Variants in EFCAB11 observed in about 807,000 individuals in gnomAD.
The protein encoded by EFCAB11 is EF-hand calcium binding domain 11, also known as EF-hand calcium-binding domain-containing protein 11.
In EFCAB11, 14 loss-of-function variants were observed where a neutral mutation model predicts 23.0. The observed-to-expected ratio is 0.61, with a 90% CI of 0.40 to 0.95. The LOEUF is 0.95. Among genes scored for constraint, EFCAB11 ranks in the 40% least tolerant of loss-of-function variants. The pLI is 0.00. For missense variants in EFCAB11, 198 were observed against 195.8 expected, an observed-to-expected ratio of 1.01 and a Z score of -0.07; for synonymous variants, 65 against 66.6, an observed-to-expected ratio of 0.98 and a Z score of 0.11.
chr14:89,807,625 G>A (rs1054909668), intron 5 of EFCAB11, among the ~76,000 whole-genome samples: 3 of 152,096 alleles, frequency 2.0e-5, no homozygotes, highest in East Asian at 1.9e-4. Flanking sequence ...TTGTTTAGAC[G>A]GAAGCTTGCC....
intron 5 of EFCAB11, among the ~76,000 whole-genome samples, chr14:89,900,360 T>C (rs1353866892): frequency 6.6e-6 from 1 of 152,158 alleles, no homozygotes; most frequent in Admixed American, 6.5e-5. Flanking sequence ...CAGGCAGGGC[T>C]ACCCAGGGGG....
chr14:89,902,977 A>C (rs1332358517), intron 5 of EFCAB11, among the ~76,000 whole-genome samples: 2 of 152,206 alleles, frequency 1.3e-5, no homozygotes, highest in African/African-American at 4.8e-5. Context: ...CATATTACTG[A>C]ATAAAATGCT....
At chr14:89,910,605 A>ACATG (rs1030002827) in intron 5 of EFCAB11, among the ~76,000 whole-genome samples, 1 of 80,916 alleles carries the variant, frequency 1.2e-5, no homozygotes, top group Non-Finnish European at 2.0e-5. Flanking sequence ...TCAAATACAT[A>ACATG]CATACATACA....
chr14:89,847,671 G>A (rs1596399089), intron 5 of EFCAB11, among the ~76,000 whole-genome samples: 2 of 150,866 alleles, frequency 1.3e-5, no homozygotes. Context: ...CCTGGGAGGT[G>A]GAGGTTGCAG....
chr14:89,827,793 C>T (rs756549065), intron 5 of EFCAB11, among the ~76,000 whole-genome samples: 2 of 151,922 alleles, frequency 1.3e-5, no homozygotes, highest in Non-Finnish European at 2.9e-5. Context: ...GCCACCATGC[C>T]CCGCTAATTT....
chr14:89,941,539 T>A (rs933072436), intron 3 of EFCAB11, among the ~76,000 whole-genome samples: 4 of 151,970 alleles, frequency 2.6e-5, no homozygotes, highest in Admixed American at 2.6e-4. Context: ...TTAATCTTGC[T>A]AGGCTTCTGG....
At chr14:89,885,850 T>C (rs1202899721) in intron 5 of EFCAB11, among the ~76,000 whole-genome samples, 2 of 151,154 alleles carry the variant, frequency 1.3e-5, no homozygotes, top group Non-Finnish European at 2.9e-5. Context: ...AGACAGCAAC[T>C]TTTGGGTTTG....
chr14:89,803,918 T>G (rs1885874499), intron 5 of EFCAB11, among the ~76,000 whole-genome samples: 1 of 152,052 alleles, frequency 6.6e-6, no homozygotes, highest in Admixed American at 6.5e-5. Context: ...TAAAGACATG[T>G]GTTAAGAAAA....
intron 5 of EFCAB11, among the ~76,000 whole-genome samples, chr14:89,919,208 G>C (rs202158319): frequency 1.3e-3 from 102 of 78,994 alleles, no homozygotes; most frequent in African/African-American, 8.6e-3. Flanking sequence ...GAGAGACAGA[G>C]AGAGAGAGAG....
intron 5 of EFCAB11, among the ~76,000 whole-genome samples, chr14:89,866,804 T>A (rs999300602): frequency 6.6e-6 from 1 of 151,194 alleles, no homozygotes; most frequent in African/African-American, 2.5e-5. Flanking sequence ...TTATTTATCT[T>A]TTTTTTATTT....
chr14:89,809,793 C>T (rs181489015), intron 5 of EFCAB11, among the ~76,000 whole-genome samples: 1 of 152,230 alleles, frequency 6.6e-6, no homozygotes, highest in East Asian at 1.9e-4. Context: ...TTCTACCTCC[C>T]TCCCCCCGTC....
At chr14:89,890,564 G>A (rs1888933116) in intron 5 of EFCAB11, among the ~76,000 whole-genome samples, 2 of 152,134 alleles carry the variant, frequency 1.3e-5, no homozygotes, top group South Asian at 4.1e-4. Flanking sequence ...AAGTATTTAA[G>A]AATTCACATG....
At chr14:89,891,869 C>T (rs1300611386) in intron 5 of EFCAB11, among the ~76,000 whole-genome samples, 3 of 152,046 alleles carry the variant, frequency 2.0e-5, no homozygotes, top group Non-Finnish European at 4.4e-5. Flanking sequence ...GACGTCGCTG[C>T]TGCGGAGCTA....
At chr14:89,898,324 C>T (rs551151488) in intron 5 of EFCAB11, among the ~76,000 whole-genome samples, 1 of 152,004 alleles carries the variant, frequency 6.6e-6, no homozygotes, top group Non-Finnish European at 1.5e-5. Flanking sequence ...GAAGAATTAG[C>T]AAAATCATGA....
At chr14:89,842,807 T>C (rs74080142) in intron 5 of EFCAB11, among the ~76,000 whole-genome samples, 2,878 of 152,168 alleles carry the variant, frequency 0.019, 93 homozygotes, top group African/African-American at 0.066. Flanking sequence ...GCTACACTCC[T>C]CTTATTTCTG....
intron 5 of EFCAB11, among the ~76,000 whole-genome samples, chr14:89,887,473 A>C (rs570871470): frequency 6.6e-6 from 1 of 152,230 alleles, no homozygotes; most frequent in African/African-American, 2.4e-5. Context: ...TTAAAAAGTA[A>C]AACTAGAAAT....
At chr14:89,800,140 C>T (rs182694717) in intron 5 of EFCAB11, among the ~76,000 whole-genome samples, 2 of 152,040 alleles carry the variant, frequency 1.3e-5, no homozygotes, top group African/African-American at 2.4e-5. Context: ...GAGCCAAGAT[C>T]GGGCCACTGC....
Position 89,890,535 on chromosome 14 carries a change from A to C in EFCAB11, c.410+41006T>G, listed in dbSNP as rs1462431117. The stretch of plus-strand genomic sequence containing the variant: ...CAATATTTGGAAAGCAGAATTTAGA[A>C]GGAAAAGTTTGGGAGACAAAGTATT... On this transcript the variant is annotated intron_variant, in intron 5 of 5. Transcript: ENST00000316738. Among the ~76,000 whole-genome samples the C allele has an allele frequency of 3.3e-5, 5 of 152,256 alleles. No homozygotes were observed. The East Asian group carries it at 9.6e-4, about 29-fold the overall frequency.
chr14:89,839,670 C>T (rs1887195645), intron 5 of EFCAB11, among the ~76,000 whole-genome samples: 3 of 152,040 alleles, frequency 2.0e-5, no homozygotes, highest in African/African-American at 7.3e-5. Context: ...GTTTAATTGG[C>T]TTACAGTTCC....
Sources: gnomAD v4.1 joint callset for allele counts (sites outside exome capture counted in the v4.1 genomes callset) on GRCh38, gnomAD v4.1.1 for gene constraint, MANE v1.5 for transcripts, NCBI Gene and HGNC (gene_info 2026-07-23, HGNC 2026-07-21) for gene names.